Variants in IL1RAPL2 observed in about 807,000 individuals in gnomAD.
The protein encoded by IL1RAPL2 is X-linked interleukin-1 receptor accessory protein-like 2.
In IL1RAPL2, 3 loss-of-function variants were observed where a neutral mutation model predicts 44.1. The ratio of observed to expected loss-of-function variants is 0.07; its 90% CI spans 0.03 to 0.18. The LOEUF (loss-of-function observed/expected upper bound fraction) is 0.18. Among genes scored for constraint, IL1RAPL2 ranks in the 10% least tolerant of loss-of-function variants. The pLI, the probability that IL1RAPL2 is intolerant of heterozygous loss-of-function variation, is 1.00. For missense variants in IL1RAPL2, 391 were observed against 496.4 expected, an observed-to-expected ratio of 0.79 and a Z score of 2.02; for synonymous variants, 181 against 178.8, an observed-to-expected ratio of 1.01 and a Z score of -0.10.
intron 3 of IL1RAPL2, among the ~76,000 whole-genome samples, chrX:105,226,830 T>G (rs1390179361): frequency 9.1e-6 from 1 of 110,252 alleles, no homozygotes; most frequent in Non-Finnish European, 1.9e-5. Flanking sequence ...GATAAGACAT[T>G]ATAGAGCTGG....
chrX:105,761,201 G>GA (rs1163252659), intron 10 of IL1RAPL2, among the ~76,000 whole-genome samples: 8 of 77,650 alleles, frequency 1.0e-4, no homozygotes, highest in East Asian at 9.2e-4. Flanking sequence ...AAAAGAAAAA[G>GA]AAAAAAAAAC....
chrX:105,345,186 A>G (rs2035101209), intron 5 of IL1RAPL2, among the ~76,000 whole-genome samples: 1 of 112,002 alleles, frequency 8.9e-6, no homozygotes. Flanking sequence ...TAAATTCTTG[A>G]ATAGATATGT....
intron 6 of IL1RAPL2, among the ~76,000 whole-genome samples, chrX:105,543,983 T>C (rs769376369): frequency 2.3e-4 from 26 of 112,008 alleles, no homozygotes; most frequent in Admixed American, 5.7e-4. Flanking sequence ...AAAGGTTGCG[T>C]TGACTTTTTA....
At chrX:104,730,372 TC>T (rs1931882531) in intron 2 of IL1RAPL2, among the ~76,000 whole-genome samples, 1 of 31,987 alleles carries the variant, frequency 3.1e-5, no homozygotes, top group Non-Finnish European at 6.4e-5. Flanking sequence ...ATCCCTCCCC[TC>T]CCCCCCACCC....
At chrX:105,729,448 A>G (rs1309965388) in intron 7 of IL1RAPL2, among the ~76,000 whole-genome samples, 1 of 111,400 alleles carries the variant, frequency 9.0e-6, no homozygotes, top group East Asian at 2.8e-4. Context: ...CTAATGACAT[A>G]TGACATTGAG....
At chrX:105,185,686 A>T (rs905219883) in intron 2 of IL1RAPL2, among the ~76,000 whole-genome samples, 41 of 112,075 alleles carry the variant, frequency 3.7e-4, no homozygotes, top group Admixed American at 9.5e-4. Flanking sequence ...CAGGATGATG[A>T]CCTCAAAAGC....
intron 2 of IL1RAPL2, among the ~76,000 whole-genome samples, chrX:105,018,209 C>T (rs1351340072): frequency 9.0e-6 from 1 of 111,531 alleles, no homozygotes. Flanking sequence ...GCCAGCTACC[C>T]AAGAGGAGCA....
intron 2 of IL1RAPL2, among the ~76,000 whole-genome samples, chrX:104,951,014 GCAATGCCTCGC>G (rs1365057422): frequency 8.9e-6 from 1 of 112,096 alleles, no homozygotes; most frequent in Non-Finnish European, 1.9e-5. Flanking sequence ...CCCGAGTGAG[GCAATGCCTCGC>G]CCTGCTTCGG....
chrX:105,062,674 G>A (rs1391589953), intron 2 of IL1RAPL2, among the ~76,000 whole-genome samples: 6 of 110,981 alleles, frequency 5.4e-5, no homozygotes, highest in East Asian at 2.8e-4. Flanking sequence ...TTTTACCTTC[G>A]TGTTTGAAGT....
intron 2 of IL1RAPL2, among the ~76,000 whole-genome samples, chrX:105,193,283 A>G (rs1474008531): frequency 8.9e-6 from 1 of 111,938 alleles, no homozygotes; most frequent in Non-Finnish European, 1.9e-5. Context: ...TGTTAATTCA[A>G]AAATATTTGC....
chrX:104,749,843 G>A lies in IL1RAPL2; in HGVS notation c.82+90848G>A, dbSNP rs759515241. ...TGAGAAATGGATAATGTATAAATGC[G>A]TTACTGTAAACAAAATGGTTTCATG... On this transcript the variant is annotated intron_variant, in intron 2 of 10. Transcript: ENST00000372582. 1.6e-3 allele frequency among the ~76,000 whole-genome samples: 177 copies of A among 111,751 alleles called. 1 individual carries two copies. The highest frequency in any genetic ancestry group is 5.3e-3 in the African/African-American group (163 of 30,808).
intron 1 of IL1RAPL2, among the ~76,000 whole-genome samples, chrX:104,601,396 G>C (rs902518471): frequency 1.8e-5 from 2 of 110,067 alleles, no homozygotes; most frequent in African/African-American, 6.6e-5. Context: ...TTGTCCTTGC[G>C]ATAGTTTGCT....
At chrX:105,718,658 G>T (rs954655478) in intron 7 of IL1RAPL2, among the ~76,000 whole-genome samples, 2 of 111,606 alleles carry the variant, frequency 1.8e-5, no homozygotes, top group Non-Finnish European at 3.8e-5. Context: ...AGTTATTCAG[G>T]CCTATAATCC....
At chrX:104,765,520 C>T (rs1932539442) in intron 2 of IL1RAPL2, among the ~76,000 whole-genome samples, 1 of 111,868 alleles carries the variant, frequency 8.9e-6, no homozygotes, top group Non-Finnish European at 1.9e-5. Flanking sequence ...CTGCTGCCTC[C>T]TACTCTCCTT....
rs189224536 is a variant in IL1RAPL2, at chrX:105,484,717, A to G, written c.772+330A>G. ...TTCATACATGTCAGCCAAAATTTTT[A>G]TTTGGACAGCATTAACTCCTGGAGA... On this transcript the variant is annotated intron_variant, in intron 6 of 10. Transcript: ENST00000372582. Among the ~76,000 whole-genome samples, 105 of 111,603 alleles carry G rather than the reference A, an allele frequency of 9.4e-4. 1 individual carries two copies. The highest frequency in any genetic ancestry group is 1.7e-3 in the Non-Finnish European group (92 of 53,051).
At chrX:104,981,253 ATAGG>A (rs1215186228) in intron 2 of IL1RAPL2, among the ~76,000 whole-genome samples, 12 of 109,912 alleles carry the variant, frequency 1.1e-4, no homozygotes, top group African/African-American at 4.0e-4. Flanking sequence ...ATAATATTTG[ATAGG>A]TAGTTTTTCA....
At chrX:105,491,219 T>G (rs1244866502) in intron 6 of IL1RAPL2, among the ~76,000 whole-genome samples, 4 of 111,389 alleles carry the variant, frequency 3.6e-5, no homozygotes, top group Non-Finnish European at 7.5e-5. Flanking sequence ...ATTTTTATTT[T>G]TTTTTATACT....
At chrX:104,948,678 T>G (rs1193869061) in intron 2 of IL1RAPL2, among the ~76,000 whole-genome samples, 9 of 111,039 alleles carry the variant, frequency 8.1e-5, no homozygotes, top group Admixed American at 1.9e-4. Flanking sequence ...GAGATAATCA[T>G]GTGGTTTTTG....
intron 1 of IL1RAPL2, 64 bp from the exon 2 acceptor site, chrX:104,658,831 G>A (rs370902620): frequency 4.5e-6 from 3 of 666,074 alleles, no homozygotes; most frequent in South Asian, 2.4e-5. Context: ...AAAATTATAG[G>A]TGTGGTTTTG....
Sources: gnomAD v4.1 joint callset for allele counts (sites outside exome capture counted in the v4.1 genomes callset) on GRCh38, gnomAD v4.1.1 for gene constraint, MANE v1.5 for transcripts, NCBI Gene and HGNC (gene_info 2026-07-23, HGNC 2026-07-21) for gene names.